Variants in CHODL observed in about 807,000 individuals in gnomAD.
The protein encoded by CHODL is chondrolectin.
A neutral mutation model predicts 34.5 loss-of-function variants in CHODL; 29 were observed. That is an observed-to-expected ratio of 0.84 (90% CI 0.63 to 1.15). The LOEUF (loss-of-function observed/expected upper bound fraction) is 1.15. Among genes scored for constraint, CHODL ranks in the 50% most tolerant of loss-of-function variants. The pLI is 0.00. For missense variants in CHODL, 332 were observed against 332.5 expected, an observed-to-expected ratio of 1.00 and a Z score of 0.01; for synonymous variants, 125 against 116.1, an observed-to-expected ratio of 1.08 and a Z score of -0.49.
chr21:18,086,594 A>T (rs2065010406), intron 2 of CHODL, among the ~76,000 whole-genome samples: 1 of 152,110 alleles, frequency 6.6e-6, no homozygotes, highest in Non-Finnish European at 1.5e-5. Context: ...TCTTTGTATG[A>T]CTACTTTGGT....
intron 2 of CHODL, among the ~76,000 whole-genome samples, chr21:18,174,293 T>C (rs551495415): frequency 3.2e-4 from 49 of 150,974 alleles, no homozygotes; most frequent in African/African-American, 1.1e-3. Flanking sequence ...AAATCATATA[T>C]ACATAGCACA....
At chr21:17,957,002 G>T (rs895166470) in intron 1 of CHODL, among the ~76,000 whole-genome samples, 15 of 151,840 alleles carry the variant, frequency 9.9e-5, no homozygotes, top group Non-Finnish European at 1.5e-5. Flanking sequence ...AATGTGGGTG[G>T]GCAACCAATC....
intron 2 of CHODL, among the ~76,000 whole-genome samples, chr21:18,194,367 C>T (rs971957720): frequency 1.4e-4 from 21 of 152,314 alleles, no homozygotes; most frequent in Middle Eastern, 3.4e-3. Context: ...GACTCTAGGT[C>T]TCCATGCTTC....
intron 1 of CHODL, among the ~76,000 whole-genome samples, chr21:17,945,994 A>T (rs1600994430): frequency 6.6e-6 from 1 of 152,218 alleles, no homozygotes; most frequent in Non-Finnish European, 1.5e-5. Context: ...TACTTTATCC[A>T]GCAGAGCTGT....
intron 5 of CHODL, among the ~76,000 whole-genome samples, chr21:18,264,374 G>C (rs950976440): frequency 3.3e-5 from 5 of 152,104 alleles, no homozygotes; most frequent in African/African-American, 4.8e-5. Context: ...GAATGACTTG[G>C]GTGGATCATC....
At chr21:18,009,887 CAA>C (rs71189575) in intron 1 of CHODL, among the ~76,000 whole-genome samples, 1 of 94,780 alleles carries the variant, frequency 1.1e-5, no homozygotes, top group Non-Finnish European at 2.0e-5. Context: ...GACTCCGTCT[CAA>C]AAAAAAAAAA....
intron 2 of CHODL, among the ~76,000 whole-genome samples, chr21:18,187,218 CT>C (rs1216533610): frequency 6.6e-6 from 1 of 152,132 alleles, no homozygotes; most frequent in Non-Finnish European, 1.5e-5. Flanking sequence ...TTTGCCACTC[CT>C]TTGTATACAC....
intron 2 of CHODL, among the ~76,000 whole-genome samples, chr21:18,040,909 A>G (rs2064367764): frequency 6.6e-6 from 1 of 151,846 alleles, no homozygotes; most frequent in Non-Finnish European, 1.5e-5. Flanking sequence ...TTGGTAATAA[A>G]TTGGCTTCTG....
At chr21:18,169,200 G>T (rs1174339615) in intron 2 of CHODL, among the ~76,000 whole-genome samples, 1 of 152,018 alleles carries the variant, frequency 6.6e-6, no homozygotes, top group Non-Finnish European at 1.5e-5. Context: ...CTTACTTGTT[G>T]GAGGTTGATT....
At chr21:18,013,155 G>C (rs1360841469) in intron 1 of CHODL, among the ~76,000 whole-genome samples, 1 of 152,070 alleles carries the variant, frequency 6.6e-6, no homozygotes, top group Non-Finnish European at 1.5e-5. Context: ...GATTAATAAT[G>C]CACTCTCTAT....
At chr21:18,106,501 CTTT>C (rs60995338) in intron 2 of CHODL, among the ~76,000 whole-genome samples, 2 of 133,232 alleles carry the variant, frequency 1.5e-5, no homozygotes. Context: ...TTTTCTTTTT[CTTT>C]TTTTTTTTTG....
At chr21:18,098,913 T>C (rs2146541153) in intron 2 of CHODL, among the ~76,000 whole-genome samples, 1 of 136,446 alleles carries the variant, frequency 7.3e-6, no homozygotes, top group South Asian at 2.2e-4. Flanking sequence ...AATGATATTC[T>C]GTTATTTGCA....
chr21:18,072,311 C>T (rs887734332), intron 2 of CHODL, among the ~76,000 whole-genome samples: 3 of 152,034 alleles, frequency 2.0e-5, no homozygotes, highest in Admixed American at 6.6e-5. Context: ...TCACAATGCA[C>T]TTAGTGATGA....
chr21:18,247,412 A>G (rs1481382792), intron 1 of CHODL, among the ~76,000 whole-genome samples: 2 of 152,296 alleles, frequency 1.3e-5, no homozygotes, highest in African/African-American at 4.8e-5. Flanking sequence ...GCAGAAAAAT[A>G]GACACTCACA....
chr21:17,950,387 G>A (rs943733334), intron 1 of CHODL, among the ~76,000 whole-genome samples: 1 of 151,632 alleles, frequency 6.6e-6, no homozygotes. Flanking sequence ...AAATGAGAGA[G>A]AGAGAAAAAA....
chr21:18,150,241 A>G (rs1290898796), intron 2 of CHODL, among the ~76,000 whole-genome samples: 5 of 152,174 alleles, frequency 3.3e-5, no homozygotes, highest in African/African-American at 1.2e-4. Context: ...GGAAGCCTTC[A>G]GGTAGCAGGC....
chr21:18,156,459 A>C (rs1158004373), intron 2 of CHODL, among the ~76,000 whole-genome samples: 1 of 152,220 alleles, frequency 6.6e-6, no homozygotes, highest in African/African-American at 2.4e-5. Flanking sequence ...GTCAATTAAA[A>C]ATAAAATTTA....
intron 1 of CHODL, among the ~76,000 whole-genome samples, chr21:18,014,212 G>A (rs1015801206): frequency 6.6e-6 from 1 of 152,096 alleles, no homozygotes; most frequent in African/African-American, 2.4e-5. Context: ...GTATATCAAA[G>A]ACATGGAATT....
intron 2 of CHODL, among the ~76,000 whole-genome samples, chr21:18,032,459 G>A (rs531631580): frequency 6.6e-6 from 1 of 152,080 alleles, no homozygotes; most frequent in African/African-American, 2.4e-5. Context: ...GAATCACTAG[G>A]GAGTCATTGG....
Sources: gnomAD v4.1 joint callset for allele counts (sites outside exome capture counted in the v4.1 genomes callset) on GRCh38, gnomAD v4.1.1 for gene constraint, MANE v1.5 for transcripts, NCBI Gene and HGNC (gene_info 2026-07-23, HGNC 2026-07-21) for gene names.